TAFA1: variants seen among roughly 807,000 people sequenced by gnomAD.
TAFA1 encodes chemokine-like protein TAFA-1.
A neutral mutation model predicts 18.5 loss-of-function variants in TAFA1; 4 were observed. The observed-to-expected ratio is 0.22, with a 90% CI of 0.11 to 0.49. The LOEUF is 0.49. TAFA1 is among the 20% of genes least tolerant of loss of function. The pLI is 0.98. For synonymous variants in TAFA1, 56 were observed against 55.2 expected (o/e 1.01, Z -0.06); for missense variants, 147 against 169.0 (o/e 0.87, Z 0.72).
At chr3:68,498,721 G>GTTTTTTTT (rs1559694779) in intron 3 of TAFA1, among the ~76,000 whole-genome samples, 6 of 101,722 alleles carry the variant, frequency 5.9e-5, no homozygotes, top group African/African-American at 1.6e-4. Context: ...CCGTTTGGTG[G>GTTTTTTTT]CTTTTTTTTT....
At chr3:68,224,395 A>G (rs2066770834) in intron 2 of TAFA1, among the ~76,000 whole-genome samples, 1 of 152,162 alleles carries the variant, frequency 6.6e-6, no homozygotes, top group Non-Finnish European at 1.5e-5. Flanking sequence ...AGGAAAACAT[A>G]GTCAATTAAT....
intron 2 of TAFA1, among the ~76,000 whole-genome samples, chr3:68,305,998 T>C (rs2068413032): frequency 6.6e-6 from 1 of 152,138 alleles, no homozygotes; most frequent in Admixed American, 6.5e-5. Flanking sequence ...AACAGTGAAT[T>C]GGAGTAAGTT....
chr3:68,429,048 C>T (rs1206724153), intron 3 of TAFA1, among the ~76,000 whole-genome samples: 1 of 151,990 alleles, frequency 6.6e-6, no homozygotes, highest in Non-Finnish European at 1.5e-5. Context: ...TGCCTTGAGG[C>T]ACCTGAAACT....
chr3:68,118,655 C>T (rs528232802), intron 2 of TAFA1, among the ~76,000 whole-genome samples: 6 of 152,280 alleles, frequency 3.9e-5, no homozygotes, highest in East Asian at 1.9e-4. Context: ...ACTTATTTCA[C>T]GTAGCATAAT....
intron 2 of TAFA1, among the ~76,000 whole-genome samples, chr3:68,146,170 C>T (rs753097009): frequency 1.4e-4 from 22 of 152,180 alleles, no homozygotes; most frequent in Non-Finnish European, 2.8e-4. Context: ...CTTTAACATG[C>T]GTATGACTGC....
chr3:68,407,873 C>T (rs762791976), intron 2 of TAFA1, among the ~76,000 whole-genome samples: 1 of 152,076 alleles, frequency 6.6e-6, no homozygotes, highest in Non-Finnish European at 1.5e-5. Flanking sequence ...TAATCTCAAG[C>T]ATAAACAAAT....
chr3:68,510,396 G>A (rs1177621544), intron 3 of TAFA1, among the ~76,000 whole-genome samples: 1 of 152,060 alleles, frequency 6.6e-6, no homozygotes, highest in Non-Finnish European at 1.5e-5. Flanking sequence ...CAGAGGTGAG[G>A]ATTCAGGCCC....
intron 2 of TAFA1, among the ~76,000 whole-genome samples, chr3:68,271,723 T>C (rs2107230900): frequency 6.6e-6 from 1 of 151,854 alleles, no homozygotes; most frequent in East Asian, 1.9e-4. Flanking sequence ...AGGATGGGAG[T>C]TGGGGAAACA....
At chr3:68,440,252 C>T (rs891101156) in intron 3 of TAFA1, among the ~76,000 whole-genome samples, 1 of 152,160 alleles carries the variant, frequency 6.6e-6, no homozygotes, top group Admixed American at 6.5e-5. Context: ...GTGAAACATG[C>T]CTTTCACCTC....
chr3:68,248,741 G>A (rs963950420), intron 2 of TAFA1, among the ~76,000 whole-genome samples: 2 of 133,708 alleles, frequency 1.5e-5, no homozygotes, highest in South Asian at 3.0e-4. Context: ...GGGGGCGGGG[G>A]GCGGGGGCTG....
chr3:68,310,147 T>TA (rs2068490071), intron 2 of TAFA1, among the ~76,000 whole-genome samples: 1 of 152,194 alleles, frequency 6.6e-6, no homozygotes, highest in African/African-American at 2.4e-5. Flanking sequence ...TATTAGATGT[T>TA]ACGTAAAAAT....
intron 3 of TAFA1, among the ~76,000 whole-genome samples, chr3:68,457,770 A>G (rs954308001): frequency 6.6e-6 from 1 of 152,082 alleles, no homozygotes; most frequent in Non-Finnish European, 1.5e-5. Context: ...TTATCCTTTG[A>G]TCAGCATCTT....
At chr3:68,144,679 C>T (rs1182423135) in intron 2 of TAFA1, among the ~76,000 whole-genome samples, 1 of 152,170 alleles carries the variant, frequency 6.6e-6, no homozygotes, top group Non-Finnish European at 1.5e-5. Flanking sequence ...TTATATCAAT[C>T]TCTCTTCAAA....
At chr3:68,304,079 T>C (rs1429659976) in intron 2 of TAFA1, among the ~76,000 whole-genome samples, 3 of 152,140 alleles carry the variant, frequency 2.0e-5, no homozygotes, top group African/African-American at 7.2e-5. Flanking sequence ...AAATCTGAAA[T>C]TGGATATTTA....
chr3:68,113,916 T>TTTTTG (rs2065295256), intron 2 of TAFA1, among the ~76,000 whole-genome samples: 1 of 134,598 alleles, frequency 7.4e-6, no homozygotes, highest in African/African-American at 2.7e-5. Context: ...TTTTTTTTTT[T>TTTTTG]TTTTATGAGA....
chr3:67,997,077 G>A, the TAFA1 span, among the ~76,000 whole-genome samples: 1 of 152,048 alleles, frequency 6.6e-6, no homozygotes, highest in Non-Finnish European at 1.5e-5. Flanking sequence ...TTAGGAAAAA[G>A]GAAGGGGAAG....
chr3:68,116,293 T>C (rs115006303), intron 2 of TAFA1, among the ~76,000 whole-genome samples: 1,903 of 151,914 alleles, frequency 0.013, 41 homozygotes, highest in African/African-American at 0.043. Context: ...ACAAAAAATG[T>C]AAATCTGAGA....
intron 2 of TAFA1, among the ~76,000 whole-genome samples, chr3:68,370,790 T>TC (rs1462378557): frequency 6.7e-6 from 1 of 148,706 alleles, no homozygotes; most frequent in African/African-American, 2.5e-5. Flanking sequence ...GTTTTTTTTT[T>TC]TTTTTTTTAA....
In TAFA1 at chr3:68,458,535, A is replaced by C. The variant is rs75536867; in HGVS notation, c.259+41115A>C. Reference sequence around the variant, plus strand: ...CTAAGAGGGCTCAGGAAAGTTAAGCAGTCTGTCCAAAGTCATCAACTCAGA... The same window carrying C: ...CTAAGAGGGCTCAGGAAAGTTAAGCCGTCTGTCCAAAGTCATCAACTCAGA... On this transcript the variant is annotated intron_variant, in intron 3 of 4. Transcript: ENST00000478136. Among the ~76,000 whole-genome samples, 67 of 152,298 alleles carry C rather than the reference A, an allele frequency of 4.4e-4. 1 individual carries two copies. Among genetic ancestry groups the C allele is most frequent in the African/African-American group, 1.5e-3 (62 of 41,574 alleles).
Sources: gnomAD v4.1 joint callset for allele counts (sites outside exome capture counted in the v4.1 genomes callset) on GRCh38, gnomAD v4.1.1 for gene constraint, MANE v1.5 for transcripts, NCBI Gene and HGNC (gene_info 2026-07-23, HGNC 2026-07-21) for gene names.